Variants in NF1 observed in about 807,000 individuals in gnomAD.
The protein encoded by NF1 is neurofibromin.
NF1 carries 122 observed loss-of-function variants against 325.7 expected under a neutral mutation model. That is an observed-to-expected ratio of 0.37 (90% CI 0.32 to 0.44). The LOEUF (loss-of-function observed/expected upper bound fraction) is 0.44, where lower values mean the gene tolerates loss of function less well. Among genes scored for constraint, NF1 ranks in the 20% least tolerant of loss-of-function variants. NF1 has a pLI of 1.00. For synonymous variants in NF1, 1,091 were observed against 1,186.0 expected (o/e 0.92, Z 1.65); for missense variants, 2,140 against 3,415.4 (o/e 0.63, Z 9.31).
rs1567847621 is a variant in NF1, at chr17:31,226,639, A to C, written c.2206A>C (p.Asn736His). 1 of 1,613,868 alleles carries C rather than the reference A, an allele frequency of 6.2e-7. No homozygotes were observed. The highest frequency in any genetic ancestry group is 2.2e-5 in the East Asian group (1 of 44,874). The change falls in exon 18 of 58, where the codon AAC becomes CAC. Residue 736 changes from asparagine (N) to histidine (H), a missense_variant. Asn to His is a moderately conservative substitution (Grantham distance 68). Around this residue, in one of 10 missense-constraint regions of NF1, gnomAD observed 380 missense variants for 639.3 expected, o/e 0.59. Coordinates refer to ENST00000358273, the MANE Select transcript of NF1 (RefSeq NM_001042492.3). Reference protein sequence around the residue: ...VSVHNLLPNYNTFMEFASVSN... With the variant: ...VSVHNLLPNYHTFMEFASVSN... ...AGTGCATAACCTCTTGCCCAACTAT[A>C]ACACATTCATGGAGTTTGCCTCTGT...
In NF1 at chr17:31,327,986, T is replaced by C. The variant is rs1220545841; in HGVS notation, c.5609+147T>C. 1.3e-5 allele frequency: 10 copies of C among 763,748 alleles called. No homozygotes were observed. In the African/African-American group the frequency reaches 1.7e-4, roughly 13 times the overall value. The allele number at this position is 763,748 out of a possible 1,614,324, so 47.3% of individuals were successfully genotyped here. A position where few individuals can be genotyped will look rare whatever the true frequency, so the allele number is the denominator to read the frequency against. ...GGTTAACCACTGTGACCTCATCAAGTTGTGGGGTATTCACATGAACTGTGG... is the reference window on the plus strand; with the variant it reads ...GGTTAACCACTGTGACCTCATCAAGCTGTGGGGTATTCACATGAACTGTGG... On this transcript the variant is annotated intron_variant, in intron 38 of 57. Coordinates refer to ENST00000358273, the MANE Select transcript of NF1 (RefSeq NM_001042492.3).
rs746332598 is a variant in NF1, at chr17:31,357,101, C to T, written c.7869+11C>T. ...CTTCTTACTGTTCTAGTAAGGATTTCCCCTTTTTGAGTCCCCCACCCTCAA... is the reference window on the plus strand; with the variant it reads ...CTTCTTACTGTTCTAGTAAGGATTTTCCCTTTTTGAGTCCCCCACCCTCAA... On this transcript the variant is annotated intron_variant, in intron 53 of 57. Transcript: ENST00000358273. 27 of 1,612,852 alleles carry T rather than the reference C, an allele frequency of 1.7e-5. No individual in the cohort carries two copies. The highest frequency in any genetic ancestry group is 2.3e-5 in the Non-Finnish European group (27 of 1,179,934).
chr17:31,334,179 C>G (rs2069579395), intron 39 of NF1, among the ~76,000 whole-genome samples: 1 of 143,832 alleles, frequency 7.0e-6, no homozygotes, highest in African/African-American at 2.5e-5. Flanking sequence ...GTCCCAGCTA[C>G]TCGGGAGGCT....
intron 31 of NF1, among the ~76,000 whole-genome samples, chr17:31,256,975 A>G (rs1255496777): frequency 6.6e-6 from 1 of 152,202 alleles, no homozygotes; most frequent in African/African-American, 2.4e-5. Flanking sequence ...GAGATTATAG[A>G]AAGCTATTTT....
chr17:31,324,206 A>G (rs1248667232), intron 36 of NF1, among the ~76,000 whole-genome samples: 1 of 152,122 alleles, frequency 6.6e-6, no homozygotes, highest in African/African-American at 2.4e-5. Flanking sequence ...AGCTGGGGCT[A>G]CAGGCACGTG....
At chr17:31,366,979 T>C (rs2070535962) in intron 57 of NF1, among the ~76,000 whole-genome samples, 1 of 152,134 alleles carries the variant, frequency 6.6e-6, no homozygotes, top group South Asian at 2.1e-4. Context: ...TAATTCTTAA[T>C]TTAAACTAAA....
chr17:31,267,992 A>T (rs576954835), intron 36 of NF1, among the ~76,000 whole-genome samples: 1 of 152,312 alleles, frequency 6.6e-6, no homozygotes, highest in East Asian at 1.9e-4. Flanking sequence ...TCTCAAGGAT[A>T]GTTTTTAGGA....
At chr17:31,214,617 T>C in intron 13 of NF1, 32 bp downstream of exon 13, 5 of 1,608,378 alleles carry the variant, frequency 3.1e-6, no homozygotes, top group Non-Finnish European at 4.3e-6. Context: ...GTCTCAAAAT[T>C]ATCACACTAA....
chr17:31,284,091 A>G (rs2151488225), intron 36 of NF1, among the ~76,000 whole-genome samples: 1 of 152,162 alleles, frequency 6.6e-6, no homozygotes, highest in African/African-American at 2.4e-5. Flanking sequence ...GCTCTGTAAA[A>G]AGATTTTTGT....
intron 5 of NF1, among the ~76,000 whole-genome samples, chr17:31,172,351 G>C (rs12942715): frequency 9.2e-4 from 36 of 39,236 alleles, no homozygotes; most frequent in Non-Finnish European, 2.8e-3. Flanking sequence ...CTGTCTCTCT[G>C]TCTCTCTCTC....
chr17:31,333,161 G>GATCC (rs2069550583), intron 39 of NF1, among the ~76,000 whole-genome samples: 1 of 151,948 alleles, frequency 6.6e-6, no homozygotes, highest in African/African-American at 2.4e-5. Context: ...TTTTTTTTAA[G>GATCC]ATCCATTCCT....
At chr17:31,285,135 A>G (rs985015276) in intron 36 of NF1, among the ~76,000 whole-genome samples, 5 of 151,788 alleles carry the variant, frequency 3.3e-5, no homozygotes, top group African/African-American at 1.2e-4. Context: ...TAAATAGCCA[A>G]GTGTGGTGGC....
intron 34 of NF1, 134 bp downstream of exon 34, chr17:31,260,649 T>A: frequency 8.6e-7 from 1 of 1,168,532 alleles, no homozygotes. Context: ...AGAGAAAGAT[T>A]CTTTTTTTCA....
chr17:31,327,701 T>G lies in NF1; in HGVS notation c.5471T>G (p.Ile1824Ser). ...GAGTGTGAAGCCATTGTCCAGTCTA[T>G]CATTCATATCCGGACCCGCTGGGAA... is the stretch of plus-strand genomic sequence containing the variant. ...HQECEAIVQS[I>S]IHIRTRWELS... is the part of the protein sequence containing the mutation. The change falls in exon 38 of 58, where the codon ATC becomes AGC. Residue 1824 changes from isoleucine to serine, a missense_variant. Around this residue, in one of 10 missense-constraint regions of NF1, gnomAD observed 147 missense variants for 186.7 expected, o/e 0.79. Coordinates refer to ENST00000358273, the MANE Select transcript of NF1 (RefSeq NM_001042492.3). The G allele has an allele frequency of 6.2e-7, 1 of 1,614,174 alleles. No homozygotes were observed. The highest frequency in any genetic ancestry group is 8.5e-7 in the Non-Finnish European group (1 of 1,180,030).
chr17:31,146,013 G>A (rs1597614403), intron 1 of NF1, among the ~76,000 whole-genome samples: 1 of 152,188 alleles, frequency 6.6e-6, no homozygotes, highest in African/African-American at 2.4e-5. Flanking sequence ...TTTGGTAGTT[G>A]TTCTAGTTTT....
At chr17:31,244,308 C>A (rs9896041) in intron 29 of NF1, among the ~76,000 whole-genome samples, 2 of 151,930 alleles carry the variant, frequency 1.3e-5, no homozygotes, top group African/African-American at 2.4e-5. Context: ...GTAAGCATTC[C>A]CTTGGTTGCC....
At chr17:31,158,661 T>C (rs2065709577) in intron 2 of NF1, among the ~76,000 whole-genome samples, 1 of 152,178 alleles carries the variant, frequency 6.6e-6, no homozygotes, top group Non-Finnish European at 1.5e-5. Flanking sequence ...ATTAAGACTT[T>C]GATCATTTCG....
chr17:31,321,398 G>A (rs2069188306), intron 36 of NF1: 1 of 152,108 alleles, frequency 6.6e-6, no homozygotes, highest in Admixed American at 6.5e-5. Context: ...GTTTGTTAGT[G>A]AGATTCTTAC....
intron 1 of NF1, among the ~76,000 whole-genome samples, chr17:31,124,989 A>C (rs1433778472): frequency 2.0e-5 from 3 of 151,650 alleles, no homozygotes; most frequent in African/African-American, 7.3e-5. Context: ...AAAAAAAAAA[A>C]CATGGTGAAC....
Sources: allele counts gnomAD v4.1 joint callset (sites outside exome capture counted in the v4.1 genomes callset), GRCh38; gene constraint gnomAD v4.1.1; regional missense constraint gnomAD v4.1.1; transcripts MANE v1.5; gene names NCBI Gene and HGNC (gene_info 2026-07-23, HGNC 2026-07-21).